Variants in CNTN1 observed in about 807,000 individuals in gnomAD.
CNTN1 encodes contactin 1.
In CNTN1, 38 loss-of-function variants were observed where a neutral mutation model predicts 126.4. That is an observed-to-expected ratio of 0.30 (90% CI 0.23 to 0.39). The LOEUF (loss-of-function observed/expected upper bound fraction) is 0.39. Ranked by LOEUF, CNTN1 falls within the 10% of genes least tolerant of loss-of-function variation. The pLI is 1.00. For missense variants in CNTN1, 1,009 were observed against 1,248.4 expected, an observed-to-expected ratio of 0.81 and a Z score of 2.89; for synonymous variants, 413 against 422.6, an observed-to-expected ratio of 0.98 and a Z score of 0.28.
At position 40,933,782 on chromosome 12, in the gene CNTN1, A is replaced by G. The variant is rs753864544; in HGVS notation, c.889A>G (p.Ile297Val). 3 of 1,612,750 alleles carry G rather than the reference A, an allele frequency of 1.9e-6. No homozygotes were observed. The highest frequency in any genetic ancestry group is 2.5e-6 in the Non-Finnish European group (3 of 1,179,096). Reference sequence around the variant, plus strand: ...TAGCACCTCTGGGGCTGTTCTTAAGATCTTCAATATTCAGCTAGAAGATGA... The same window carrying G: ...TAGCACCTCTGGGGCTGTTCTTAAGGTCTTCAATATTCAGCTAGAAGATGA... ...EISTSGAVLK[I>V]FNIQLEDEGI... The change falls in exon 9 of 24, where the codon ATC becomes GTC. Residue 297 changes from isoleucine (I) to valine (V), a missense_variant. Physicochemically the swap from Ile to Val is conservative, Grantham distance 29. Coordinates refer to ENST00000551295, the MANE Select transcript of CNTN1 (RefSeq NM_001843.4).
intron 1 of CNTN1, among the ~76,000 whole-genome samples, chr12:40,882,330 G>C (rs1943896719): frequency 6.6e-6 from 1 of 151,748 alleles, no homozygotes; most frequent in Admixed American, 6.6e-5. Context: ...TACCTCATCA[G>C]TATATTTATG....
chr12:40,929,396 T>A (rs551354547), intron 6 of CNTN1, among the ~76,000 whole-genome samples: 1 of 151,904 alleles, frequency 6.6e-6, no homozygotes, highest in Admixed American at 6.6e-5. Flanking sequence ...GTAATCTTAA[T>A]TATATTTATA....
chr12:40,829,470 T>A (rs1008459326), intron 1 of CNTN1, among the ~76,000 whole-genome samples: 1 of 151,928 alleles, frequency 6.6e-6, no homozygotes, highest in East Asian at 1.9e-4. Context: ...TAAGGACAAG[T>A]ATGTTTTGGG....
chr12:40,746,987 T>C (rs747090255), intron 1 of CNTN1, among the ~76,000 whole-genome samples: 4 of 152,042 alleles, frequency 2.6e-5, no homozygotes, highest in Non-Finnish European at 4.4e-5. Flanking sequence ...GGCCATCACC[T>C]GATGGTTGCC....
chr12:40,705,028 C>T lies in CNTN1; in HGVS notation c.-77+12436C>T, dbSNP rs1000073158. The stretch of plus-strand genomic sequence containing the variant: ...CTGATAACATTATATATTGAGAAGT[C>T]ACAAAGATTTACTGATATATAGCAA... On this transcript the variant is annotated intron_variant, in intron 1 of 23. Transcript: ENST00000551295. 2.6e-5 allele frequency among the ~76,000 whole-genome samples: 4 copies of T among 152,164 alleles called. No homozygotes were observed. The East Asian group carries it at 7.7e-4, about 29-fold the overall frequency.
At chr12:41,066,423 G>T (rs1950050807) in intron 23 of CNTN1, among the ~76,000 whole-genome samples, 1 of 152,064 alleles carries the variant, frequency 6.6e-6, no homozygotes, top group African/African-American at 2.4e-5. Context: ...AAAATTCAGG[G>T]CCTACAATGG....
chr12:40,852,742 GA>G (rs1565833322), intron 1 of CNTN1, among the ~76,000 whole-genome samples: 1 of 151,640 alleles, frequency 6.6e-6, no homozygotes, highest in Non-Finnish European at 1.5e-5. Context: ...TCCTACCTCT[GA>G]AAAAAATGTT....
chr12:40,887,661 T>C (rs1358585275), intron 1 of CNTN1, among the ~76,000 whole-genome samples: 5 of 151,994 alleles, frequency 3.3e-5, no homozygotes. Flanking sequence ...ATCCCATTAC[T>C]GGGTATATAC....
chr12:40,716,482 A>T (rs1050991280), intron 1 of CNTN1, among the ~76,000 whole-genome samples: 2 of 152,196 alleles, frequency 1.3e-5, no homozygotes, highest in Non-Finnish European at 2.9e-5. Flanking sequence ...TGAAAGTCCC[A>T]TGTAAGGAGG....
At chr12:40,956,363 A>G (rs1946880963) in intron 14 of CNTN1, among the ~76,000 whole-genome samples, 1 of 152,142 alleles carries the variant, frequency 6.6e-6, no homozygotes, top group Non-Finnish European at 1.5e-5. Flanking sequence ...ACATAATCAC[A>G]AAAGTGTTTA....
intron 1 of CNTN1, among the ~76,000 whole-genome samples, chr12:40,773,679 A>G (rs1189814596): frequency 1.4e-3 from 12 of 8,746 alleles, no homozygotes; most frequent in Middle Eastern, 0.042. Flanking sequence ...ATATACACAT[A>G]TATATATATA....
At chr12:41,053,478 A>T (rs1465565134) in intron 23 of CNTN1, among the ~76,000 whole-genome samples, 3 of 73,690 alleles carry the variant, frequency 4.1e-5, no homozygotes, top group Non-Finnish European at 7.6e-5. Flanking sequence ...TTTGCCAATA[A>T]TGCAGTGTCA....
intron 23 of CNTN1, among the ~76,000 whole-genome samples, chr12:41,052,237 T>C (rs1949705781): frequency 6.6e-6 from 1 of 152,208 alleles, no homozygotes; most frequent in Admixed American, 6.5e-5. Flanking sequence ...AAGCTCTTCC[T>C]GAGACATTAC....
chr12:40,860,008 A>G (rs1401414426), intron 1 of CNTN1, among the ~76,000 whole-genome samples: 1 of 152,084 alleles, frequency 6.6e-6, no homozygotes, highest in African/African-American at 2.4e-5. Flanking sequence ...GAAATAGAAC[A>G]CCCATTATCT....
chr12:40,765,884 G>A (rs982553220), intron 1 of CNTN1, among the ~76,000 whole-genome samples: 4 of 152,168 alleles, frequency 2.6e-5, no homozygotes, highest in Non-Finnish European at 5.9e-5. Context: ...TCATAGTGTT[G>A]GAGGGAATCA....
At chr12:40,703,801 G>GGAGAGA (rs3041725) in intron 1 of CNTN1, among the ~76,000 whole-genome samples, 10 of 151,724 alleles carry the variant, frequency 6.6e-5, no homozygotes, top group South Asian at 2.1e-4. Context: ...GTGAGAGGAG[G>GGAGAGA]GAGAGAGAGA....
In CNTN1 at chr12:41,000,716, T is replaced by C. The variant is rs1176511337; in HGVS notation, c.2113+7447T>C. ...CTGTCATGGGGGTTAGTTGTACAGATTATTTTGTTAACTAGGTATTAAGCA... is the reference window on the plus strand; with the variant it reads ...CTGTCATGGGGGTTAGTTGTACAGACTATTTTGTTAACTAGGTATTAAGCA... On this transcript the variant is annotated intron_variant, in intron 17 of 23. Transcript: ENST00000551295. Among the ~76,000 whole-genome samples the C allele has an allele frequency of 2.6e-5, 4 of 152,154 alleles. No homozygotes were observed. The South Asian group carries it at 8.3e-4, about 31-fold the overall frequency.
At position 40,751,217 on chromosome 12, in the gene CNTN1, T is replaced by G. The variant is rs1245787522; in HGVS notation, c.-77+58625T>G. 2.6e-5 allele frequency among the ~76,000 whole-genome samples: 4 copies of G among 152,082 alleles called. No individual in the cohort carries two copies. The East Asian group carries it at 7.7e-4, about 29-fold the overall frequency. On this transcript the variant is annotated intron_variant, in intron 1 of 23. Coordinates refer to ENST00000551295, the MANE Select transcript of CNTN1 (RefSeq NM_001843.4). ...TTTCAGAAGAGTGATGGGTTTGAAA[T>G]TACAATAGTGTTGGCTGCAGATTTG...
chr12:40,900,608 T>C (rs544348385), intron 1 of CNTN1, among the ~76,000 whole-genome samples: 2 of 152,318 alleles, frequency 1.3e-5, no homozygotes, highest in Admixed American at 1.3e-4. Flanking sequence ...ATAGTAATAA[T>C]GAACAAATCA....
Sources: allele counts gnomAD v4.1 joint callset (sites outside exome capture counted in the v4.1 genomes callset), GRCh38; gene constraint gnomAD v4.1.1; transcripts MANE v1.5; gene names NCBI Gene and HGNC (gene_info 2026-07-23, HGNC 2026-07-21).